IFI44: variants seen among roughly 807,000 people sequenced by gnomAD.
IFI44 encodes interferon induced protein 44.
A neutral mutation model predicts 45.0 loss-of-function variants in IFI44; 42 were observed. The ratio of observed to expected loss-of-function variants is 0.93; its 90% confidence interval spans 0.73 to 1.21. The LOEUF is 1.21. Ranked by LOEUF, IFI44 falls within the 50% of genes most tolerant of loss-of-function variation. IFI44 has a pLI of 0.00. For missense variants in IFI44, 623 were observed against 525.8 expected (o/e 1.18, Z -1.81); for synonymous variants, 221 against 188.6 (o/e 1.17, Z -1.41).
chr1:78,654,454 GAC>G (rs987949976), intron 3 of IFI44, among the ~76,000 whole-genome samples, 175 bp downstream of exon 3: 4 of 151,890 alleles, frequency 2.6e-5, no homozygotes, highest in African/African-American at 7.3e-5. Context: ...TAAAAAAAAG[GAC>G]ACTGAGTAGA....
intron 7 of IFI44, among the ~76,000 whole-genome samples, chr1:78,661,615 T>C (rs542871958): frequency 3.9e-5 from 6 of 152,092 alleles, no homozygotes; most frequent in African/African-American, 1.4e-4. Flanking sequence ...TTATAAATAG[T>C]GGTGAGGGGA....
rs371782373 is a variant in IFI44 at position 78,650,346 on chromosome 1, C to T, written c.151C>T (p.Leu51=). The T allele has an allele frequency of 8.3e-5, 134 of 1,613,946 alleles. No individual in the cohort carries two copies. The highest frequency in any genetic ancestry group is 1.1e-4 in the Non-Finnish European group (129 of 1,179,978). Reference sequence around the variant, plus strand: ...CAGATGTTGTAATCAAGGGCCTACTCTAACAGTGATTTATAGTGAAGATCA... The same window carrying T: ...CAGATGTTGTAATCAAGGGCCTACTTTAACAGTGATTTATAGTGAAGATCA... ...LDRCCNQGPT[L]TVIYSEDHII... Residue 51 remains leucine (L), a synonymous_variant, in exon 2 of 9, where the codon CTA becomes TTA. Transcript: ENST00000370747.
intron 6 of IFI44, among the ~76,000 whole-genome samples, chr1:78,660,255 T>C (rs1317653477): frequency 3.9e-5 from 6 of 152,206 alleles, no homozygotes; most frequent in Admixed American, 3.9e-4. Context: ...GGACAGAATA[T>C]GAAATCAATC....
At chr1:78,662,953 C>T (rs374161364) in intron 8 of IFI44, 75 bp downstream of exon 8, 3 of 1,609,052 alleles carry the variant, frequency 1.9e-6, no homozygotes, top group South Asian at 2.2e-5. Flanking sequence ...CTATTAAATA[C>T]CTGGCAGCTC....
At chr1:78,654,045 C>G (rs1425679426) in intron 2 of IFI44, among the ~76,000 whole-genome samples, 198 bp from the exon 3 acceptor site, 1 of 152,162 alleles carries the variant, frequency 6.6e-6, no homozygotes, top group Non-Finnish European at 1.5e-5. Flanking sequence ...CTAGCCCTAG[C>G]CTCTTCAAAT....
At chr1:78,653,888 A>G (rs1287585864) in intron 2 of IFI44, among the ~76,000 whole-genome samples, 1 of 152,212 alleles carries the variant, frequency 6.6e-6, no homozygotes, top group Non-Finnish European at 1.5e-5. Context: ...ACATTTCCAC[A>G]TTAGATATTC....
chr1:78,660,482 A>C, intron 6 of IFI44, 72 bp from the exon 7 acceptor site: 1 of 1,124,718 alleles, frequency 8.9e-7, no homozygotes, highest in Non-Finnish European at 1.3e-6. Flanking sequence ...TGCCTATTAC[A>C]TAATTGATAG....
intron 7 of IFI44, chr1:78,660,859 T>C (rs1405191171): frequency 1.3e-5 from 7 of 553,318 alleles, no homozygotes; most frequent in South Asian, 1.9e-5. Flanking sequence ...GACTTTGCAT[T>C]GTTACCAAAA....
At chr1:78,658,671 T>C (rs896754271) in intron 5 of IFI44, among the ~76,000 whole-genome samples, 1 of 152,154 alleles carries the variant, frequency 6.6e-6, no homozygotes, top group Admixed American at 6.6e-5. Context: ...TTAGTAACCA[T>C]ATAAAATTTA....
In IFI44 at chr1:78,650,283, G is replaced by A; in HGVS notation, c.88G>A (p.Gly30Ser). 6.2e-7 allele frequency: 1 copy of A among 1,613,998 alleles called. No individual in the cohort carries two copies. The highest frequency in any genetic ancestry group is 8.5e-7 in the Non-Finnish European group (1 of 1,179,960). The change falls in exon 2 of 9, where the codon GGT (glycine) becomes AGT (serine). Residue 30 changes from glycine (G) to serine (S), a missense_variant. Gly to Ser is a moderately conservative substitution (Grantham distance 56). Coordinates refer to ENST00000370747, the MANE Select transcript of IFI44 (RefSeq NM_006417.5). ...GAAGCGGCTTAGCCTTCTCTATAAGGGTAGTGTCCATGGATTCCGTAATGG... is the reference window on the plus strand; with the variant it reads ...GAAGCGGCTTAGCCTTCTCTATAAGAGTAGTGTCCATGGATTCCGTAATGG... ...GGKRLSLLYK[G>S]SVHGFRNGVL...
At chr1:78,663,625 C>T (rs1327668319) in intron 8 of IFI44, 140 bp from the exon 9 acceptor site, 1 of 1,393,308 alleles carries the variant, frequency 7.2e-7, no homozygotes, top group South Asian at 1.8e-5. Flanking sequence ...TCTTGGTTTC[C>T]CCATCCCTTC....
At chr1:78,660,522 T>A in intron 6 of IFI44, 32 bp from the exon 7 acceptor site, 3 of 1,475,480 alleles carry the variant, frequency 2.0e-6, no homozygotes, top group Non-Finnish European at 2.8e-6. Flanking sequence ...TGATGCTCTC[T>A]AAAATGATTT....
chr1:78,663,822 G>T lies in IFI44; in HGVS notation c.*11G>T, dbSNP rs1299059075. On this transcript the variant is annotated 3_prime_UTR_variant, in exon 9 of 9. Coordinates refer to ENST00000370747, the MANE Select transcript of IFI44 (RefSeq NM_006417.5). ...CAAGGAAAAAAATAGATATGTGAAA[G>T]GTTCACGTAAATTTCCTCACATCAC... 6.2e-7 allele frequency: 1 copy of T among 1,609,094 alleles called. No individual in the cohort carries two copies. The highest frequency in any genetic ancestry group is 8.5e-7 in the Non-Finnish European group (1 of 1,177,962).
intron 7 of IFI44, 92 bp downstream of exon 7, chr1:78,660,746 T>C: frequency 2.3e-6 from 2 of 866,036 alleles, no homozygotes; most frequent in South Asian, 1.4e-5. Context: ...AAGCAGCTAC[T>C]GGGTTTAAGA....
intron 5 of IFI44, 65 bp from the exon 6 acceptor site, chr1:78,659,247 T>A: frequency 7.6e-7 from 1 of 1,311,478 alleles, no homozygotes. Context: ...GCACAGTGCC[T>A]GGTACATAGT....
rs945295215 is a variant in IFI44 at position 78,655,303 on chromosome 1, C to T, written c.691-59C>T. 30 of 1,558,148 alleles carry T rather than the reference C, an allele frequency of 1.9e-5. No homozygotes were observed. In the South Asian group the frequency reaches 3.4e-4, roughly 17 times the overall value. ...GCAGATCAACTTTATTACATATAGA[C>T]TTCATCTCAATTTATAATAAAAAAT... On this transcript the variant is annotated intron_variant, in intron 4 of 8. Transcript: ENST00000370747.
In IFI44 at chr1:78,655,137, G is replaced by T; in HGVS notation, c.618G>T (p.Val206=). 1 of 1,613,974 alleles carries T rather than the reference G, an allele frequency of 6.2e-7. No homozygotes were observed. The highest frequency in any genetic ancestry group is 8.5e-7 in the Non-Finnish European group (1 of 1,179,884). ...GAGKSSFFNS[V]RSVFQGHVTH... is the part of the protein sequence containing the mutation. ...GGAAGTCCAGCTTTTTCAACTCAGT[G>T]AGGTCTGTTTTCCAAGGGCATGTAA... Residue 206 remains valine (V), a synonymous_variant, in exon 4 of 9, where the codon GTG becomes GTT. Transcript: ENST00000370747.
intron 2 of IFI44, among the ~76,000 whole-genome samples, chr1:78,652,505 G>A (rs1248428696): frequency 6.6e-6 from 1 of 152,208 alleles, no homozygotes; most frequent in African/African-American, 2.4e-5. Context: ...AAAATTACCA[G>A]CGTATTTATT....
intron 7 of IFI44, among the ~76,000 whole-genome samples, chr1:78,661,265 T>G (rs920343474): frequency 6.6e-6 from 1 of 152,136 alleles, no homozygotes; most frequent in African/African-American, 2.4e-5. Context: ...GGTTTCACCA[T>G]GTTGGCCAGG....
Sources: gnomAD v4.1 joint callset for allele counts (sites outside exome capture counted in the v4.1 genomes callset) on GRCh38, gnomAD v4.1.1 for gene constraint, MANE v1.5 for transcripts, NCBI Gene and HGNC (gene_info 2026-07-23, HGNC 2026-07-21) for gene names.